Variants in MAGI1 observed in about 807,000 individuals in gnomAD.
MAGI1 encodes membrane-associated guanylate kinase, WW and PDZ domain-containing protein 1.
Under a neutral mutation model 139.9 loss-of-function variants are expected in MAGI1, and 58 were observed. The ratio of observed to expected loss-of-function variants is 0.41; its 90% CI spans 0.34 to 0.52. MAGI1 has a LOEUF of 0.52. MAGI1 is among the 20% of genes least tolerant of loss of function. The pLI is 0.12. For missense variants in MAGI1, 1,874 were observed against 1,901.6 expected (o/e 0.99, Z 0.27); for synonymous variants, 812 against 737.9 (o/e 1.10, Z -1.63).
chr3:65,829,499 T>C (rs2042409560), intron 1 of MAGI1, among the ~76,000 whole-genome samples: 1 of 152,182 alleles, frequency 6.6e-6, no homozygotes, highest in African/African-American at 2.4e-5. Flanking sequence ...GCACAATCTA[T>C]GACGAAGAAG....
At chr3:65,539,551 G>A (rs1470310958) in intron 2 of MAGI1, among the ~76,000 whole-genome samples, 1 of 152,178 alleles carries the variant, frequency 6.6e-6, no homozygotes, top group Non-Finnish European at 1.5e-5. Context: ...CTTTTAACCT[G>A]TATCCTCATT....
chr3:65,611,230 AGTATATACTATATATACTATATAC>A (rs1292722742), intron 2 of MAGI1, among the ~76,000 whole-genome samples: 5 of 141,820 alleles, frequency 3.5e-5, no homozygotes, highest in Non-Finnish European at 6.1e-5. Context: ...TATATACTAT[AGTATATACTATATATACTATATAC>A]ATATATAGTA....
chr3:65,600,233 A>G (rs928133817), intron 2 of MAGI1, among the ~76,000 whole-genome samples: 3 of 152,234 alleles, frequency 2.0e-5, no homozygotes, highest in African/African-American at 7.2e-5. Context: ...GAAGGGAACA[A>G]AAATACAAAA....
intron 1 of MAGI1, among the ~76,000 whole-genome samples, chr3:65,721,717 T>G (rs1386507785): frequency 6.6e-6 from 1 of 152,176 alleles, no homozygotes. Context: ...ATACTACTCC[T>G]CTTATTTATG....
At chr3:65,453,571 A>G (rs1469762953) in intron 5 of MAGI1, among the ~76,000 whole-genome samples, 4 of 152,152 alleles carry the variant, frequency 2.6e-5, no homozygotes, top group Non-Finnish European at 4.4e-5. Flanking sequence ...TCAATTACTG[A>G]AAGCTTAAAA....
At chr3:66,008,785 G>A (rs2067166299) in intron 1 of MAGI1, 1 of 150,668 alleles carries the variant, frequency 6.6e-6, no homozygotes, top group African/African-American at 2.4e-5. Context: ...GGAACGACAA[G>A]AGAACACCAC....
chr3:65,509,513 G>A (rs2077467376), intron 2 of MAGI1, among the ~76,000 whole-genome samples: 1 of 152,202 alleles, frequency 6.6e-6, no homozygotes, highest in Non-Finnish European at 1.5e-5. Flanking sequence ...GGGCCAGGGA[G>A]TTCCCTTTCC....
At chr3:65,925,236 C>G (rs1391855076) in intron 1 of MAGI1, 1 of 152,230 alleles carries the variant, frequency 6.6e-6, no homozygotes, top group Non-Finnish European at 1.5e-5. Flanking sequence ...TCTTCTTCCA[C>G]TGAATTGTCC....
chr3:65,950,115 G>T (rs1372903448), intron 1 of MAGI1, among the ~76,000 whole-genome samples: 1 of 60,412 alleles, frequency 1.7e-5, no homozygotes, highest in Non-Finnish European at 2.8e-5. Flanking sequence ...AACAGAACTA[G>T]CAATATTACT....
chr3:65,425,124 A>C (rs535604079), intron 12 of MAGI1, among the ~76,000 whole-genome samples: 44 of 58,640 alleles, frequency 7.5e-4, no homozygotes, highest in African/African-American at 2.9e-3. Context: ...AAAAAAAAAA[A>C]AAAAAAAACA....
chr3:65,533,988 C>T (rs1181318354), intron 2 of MAGI1, among the ~76,000 whole-genome samples: 4 of 152,182 alleles, frequency 2.6e-5, no homozygotes, highest in Non-Finnish European at 5.9e-5. Flanking sequence ...TCTGGCCATA[C>T]TCAAGACTGG....
intron 1 of MAGI1, among the ~76,000 whole-genome samples, chr3:65,878,800 G>A (rs952220848): frequency 6.6e-6 from 1 of 152,130 alleles, no homozygotes; most frequent in African/African-American, 2.4e-5. Context: ...CTCAAAGGAA[G>A]GCTGCCTGGA....
chr3:65,653,494 A>G (rs2085701439), intron 1 of MAGI1, among the ~76,000 whole-genome samples: 1 of 152,204 alleles, frequency 6.6e-6, no homozygotes, highest in African/African-American at 2.4e-5. Context: ...ATAAGGTGTC[A>G]TGGATGTGGG....
chr3:65,523,327 A>C (rs908297017), intron 2 of MAGI1, among the ~76,000 whole-genome samples: 1 of 152,120 alleles, frequency 6.6e-6, no homozygotes, highest in African/African-American at 2.4e-5. Flanking sequence ...GTGAAAGTTC[A>C]ACAGAGGGTT....
At chr3:65,911,530 G>C (rs1237078247) in intron 1 of MAGI1, among the ~76,000 whole-genome samples, 2 of 152,080 alleles carry the variant, frequency 1.3e-5, no homozygotes, top group Admixed American at 1.3e-4. Flanking sequence ...GGTGGATTCA[G>C]GGTAGATTTT....
chr3:65,921,696 C>T (rs949304403), intron 1 of MAGI1, among the ~76,000 whole-genome samples: 1 of 152,112 alleles, frequency 6.6e-6, no homozygotes, highest in Non-Finnish European at 1.5e-5. Flanking sequence ...TTAATCCATT[C>T]CTCCTCAAGA....
chr3:65,950,067 CAAAAAA>C (rs61696952), intron 1 of MAGI1, among the ~76,000 whole-genome samples: 1 of 76,738 alleles, frequency 1.3e-5, no homozygotes, highest in East Asian at 4.5e-4. Context: ...AACAAAAAAA[CAAAAAA>C]AAAACAAAAA....
At chr3:65,637,599 A>G (rs531375813) in intron 1 of MAGI1, among the ~76,000 whole-genome samples, 2 of 151,728 alleles carry the variant, frequency 1.3e-5, no homozygotes, top group East Asian at 4.0e-4. Flanking sequence ...AAAGAAAGAA[A>G]GAAAGAAAGA....
At chr3:65,751,741 T>C (rs1440085062) in intron 1 of MAGI1, among the ~76,000 whole-genome samples, 1 of 152,214 alleles carries the variant, frequency 6.6e-6, no homozygotes, top group Non-Finnish European at 1.5e-5. Context: ...TCCATATATA[T>C]GTGCTCTCTC....
Sources: gnomAD v4.1 joint callset for allele counts (sites outside exome capture counted in the v4.1 genomes callset) on GRCh38, gnomAD v4.1.1 for gene constraint, MANE v1.5 for transcripts, NCBI Gene and HGNC (gene_info 2026-07-23, HGNC 2026-07-21) for gene names.